Variants in NLRX1 observed in about 807,000 individuals in gnomAD.
The protein encoded by NLRX1 is NOD-like receptor X1.
A neutral mutation model predicts 74.2 loss-of-function variants in NLRX1; 67 were observed. That is an observed-to-expected ratio of 0.90 (90% confidence interval 0.74 to 1.11). The LOEUF is 1.11. NLRX1 is among the 50% of genes least tolerant of loss of function. NLRX1 has a pLI of 0.00. For synonymous variants in NLRX1, 506 were observed against 559.1 expected, an observed-to-expected ratio of 0.91 and a Z score of 1.34; for missense variants, 1,191 against 1,305.4, an observed-to-expected ratio of 0.91 and a Z score of 1.35.
In NLRX1 at chr11:119,173,822, C is replaced by G. The variant is rs201843637; in HGVS notation, c.573C>G (p.Phe191Leu). Reference sequence around the variant, plus strand: ...GGTGTTATGGGCGGCTGCCGGCCTTCGAGCTGCTCATCCCCTTCTCCTGTG... The same window carrying G: ...GGTGTTATGGGCGGCTGCCGGCCTTGGAGCTGCTCATCCCCTTCTCCTGTG... ...LDWCYGRLPA[F>L]ELLIPFSCED... Residue 191 changes from phenylalanine to leucine, a missense_variant, in exon 5 of 10, where the codon TTC (phenylalanine) becomes TTG (leucine). Phe to Leu is a conservative substitution (Grantham distance 22). Transcript: ENST00000409109. The surrounding 1 kb of genome is among the most constrained non-coding windows in gnomAD (Gnocchi z 4.0). 1.2e-6 allele frequency: 2 copies of G among 1,613,456 alleles called. No homozygotes were observed. Among genetic ancestry groups the G allele is most frequent in the African/African-American group, 2.7e-5 (2 of 74,930 alleles).
At position 119,183,501 on chromosome 11, in the gene NLRX1, C is replaced by T; in HGVS notation, c.*62C>T. 6.8e-7 allele frequency: 1 copy of T among 1,470,720 alleles called. No homozygotes were observed. Among genetic ancestry groups the T allele is most frequent in the Non-Finnish European group, 9.2e-7 (1 of 1,085,186 alleles). 91.1% of individuals were successfully genotyped at this position (1,470,720 alleles called of 1,614,324 possible). On this transcript the variant is annotated 3_prime_UTR_variant, in exon 10 of 10. Transcript: ENST00000409109. This position sits in a 1 kb window ranked among gnomAD's most constrained non-coding sequence, Gnocchi z 5.7. ...GCCCTAAACCTTTTCCCTCTGTGGCCTCCTGGCTTGCACTGCTCCCTCTAG... is the reference window on the plus strand; with the variant it reads ...GCCCTAAACCTTTTCCCTCTGTGGCTTCCTGGCTTGCACTGCTCCCTCTAG...
Position 119,175,025 on chromosome 11 carries a change from G to C in NLRX1, c.1422G>C (p.Leu474=), listed in dbSNP as rs768901206. ...TGCACATCTTCCGTCGGGATGCCCT[G>C]AGGTTTTTCCTGGCCCCATGTGTGG... is the stretch of plus-strand genomic sequence containing the variant. ...QLLHIFRRDA[L]RFFLAPCVEP... The change falls in exon 6 of 10, where the codon CTG becomes CTC. Residue 474 remains leucine (L), a synonymous_variant. Transcript: ENST00000409109. 2.5e-6 allele frequency: 4 copies of C among 1,614,156 alleles called. No individual in the cohort carries two copies. In the Admixed American group the frequency reaches 6.7e-5, roughly 27 times the overall value.
chr11:119,179,388 A>C (rs1948771720), intron 6 of NLRX1, among the ~76,000 whole-genome samples: 1 of 152,154 alleles, frequency 6.6e-6, no homozygotes, highest in African/African-American at 2.4e-5. Context: ...TAATCCTAGC[A>C]CTTTGGGGGG....
chr11:119,182,006 C>T, intron 8 of NLRX1, 88 bp from the exon 9 acceptor site: 1 of 1,514,902 alleles, frequency 6.6e-7, no homozygotes, highest in Non-Finnish European at 9.0e-7. Context: ...CACAGGGCTG[C>T]CCCATTAAGG....
chr11:119,181,414 C>T, intron 8 of NLRX1, 157 bp downstream of exon 8: 1 of 627,292 alleles, frequency 1.6e-6, no homozygotes, highest in Non-Finnish European at 2.9e-6. Context: ...AGGTCCACTG[C>T]AAGCAGCAGG....
In NLRX1 at chr11:119,174,789, A is replaced by T. The variant is rs779757888; in HGVS notation, c.1186A>T (p.Ser396Cys). 5.0e-6 allele frequency: 8 copies of T among 1,613,746 alleles called. No homozygotes were observed. In the Admixed American group the frequency reaches 5.0e-5, roughly 10 times the overall value. The change falls in exon 6 of 10, where the codon AGC (serine) becomes TGC (cysteine). Residue 396 changes from serine (S) to cysteine (C), a missense_variant. Coordinates refer to ENST00000409109, the MANE Select transcript of NLRX1 (RefSeq NM_001282144.2). Reference sequence around the variant, plus strand: ...CACGCCTGCTGGGCAGACCCTTACAAGCATCTATACCAGCTTCCTGCGCCT... The same window carrying T: ...CACGCCTGCTGGGCAGACCCTTACATGCATCTATACCAGCTTCCTGCGCCT... The part of the protein sequence containing the change: ...APTPAGQTLT[S>C]IYTSFLRLNF...
At position 119,174,464 on chromosome 11, in the gene NLRX1, G is replaced by T; in HGVS notation, c.861G>T (p.Leu287=). ...CATGCTCTTCCCAGGCCAGCATTCT[G>T]GTGACCACTCGGCCCTCTGCCATTG... ...RKYMLPQASI[L]VTTRPSAIGR... The change falls in exon 6 of 10, where the codon CTG becomes CTT. Residue 287 remains leucine (L), a synonymous_variant. Coordinates refer to ENST00000409109, the MANE Select transcript of NLRX1 (RefSeq NM_001282144.2). 2 of 1,613,418 alleles carry T rather than the reference G, an allele frequency of 1.2e-6. No homozygotes were observed. Among genetic ancestry groups the T allele is most frequent in the African/African-American group, 2.7e-5 (2 of 75,060 alleles).
At position 119,174,078 on chromosome 11, in the gene NLRX1, C is replaced by A. The variant is rs772837237; in HGVS notation, c.829C>A (p.Arg277Ser). The change falls in exon 5 of 10, where the codon CGC becomes AGC. Residue 277 changes from arginine to serine, a missense_variant. Arg to Ser is a moderately radical substitution (Grantham distance 110). Transcript: ENST00000409109. Reference sequence around the variant, plus strand: ...AGCTGCTATCATCGTCAACCTGCTGCGCAAATACATGCTGCCTCAGGTGGG... The same window carrying A: ...AGCTGCTATCATCGTCAACCTGCTGAGCAAATACATGCTGCCTCAGGTGGG... ...EPAAIIVNLL[R>S]KYMLPQASIL... is the part of the protein sequence containing the mutation. The A allele has an allele frequency of 1.2e-6, 2 of 1,613,968 alleles. No individual in the cohort carries two copies. The highest frequency in any genetic ancestry group is 8.5e-7 in the Non-Finnish European group (1 of 1,179,890).
intron 6 of NLRX1, among the ~76,000 whole-genome samples, chr11:119,177,296 GGTCTT>G (rs1948723684): frequency 6.6e-6 from 1 of 150,620 alleles, no homozygotes; most frequent in South Asian, 2.1e-4. Context: ...TGGCCAGACT[GGTCTT>G]GAACTCCTGA....
intron 2 of NLRX1, 41 bp from the exon 3 acceptor site, chr11:119,172,315 G>T (rs771369503): frequency 1.2e-5 from 18 of 1,484,174 alleles, no homozygotes; most frequent in Non-Finnish European, 1.7e-5. Context: ...TCTGTGTATT[G>T]CATGGGATCT....
rs902833322 is a variant in NLRX1, at chr11:119,172,254, G to A, written c.71-102G>A. 3.4e-6 allele frequency: 3 copies of A among 877,808 alleles called. No individual in the cohort carries two copies. In the African/African-American group the frequency reaches 4.9e-5, roughly 14 times the overall value. 54.4% of individuals were successfully genotyped at this position (877,808 alleles called of 1,614,324 possible). On this transcript the variant is annotated intron_variant, in intron 2 of 9. Transcript: ENST00000409109. ...GCAAAATAACTGCTGCAAAGGGGCA[G>A]TACATGCTGCTATGAGAGCAAATAC...
At chr11:119,170,441 T>G (rs1256183432) in intron 1 of NLRX1, among the ~76,000 whole-genome samples, 3 of 152,068 alleles carry the variant, frequency 2.0e-5, no homozygotes, top group Non-Finnish European at 4.4e-5. Flanking sequence ...GTGGGAAGAT[T>G]TGCAGCAAGG....
chr11:119,171,513 T>A (rs764420209), intron 2 of NLRX1, 40 bp downstream of exon 2: 3 of 1,495,180 alleles, frequency 2.0e-6, no homozygotes, highest in Non-Finnish European at 9.3e-7. Flanking sequence ...ACCTCTTTCT[T>A]GCTTTCCAGG....
At chr11:119,181,454 G>A in intron 8 of NLRX1, 197 bp downstream of exon 8, 2 of 571,396 alleles carry the variant, frequency 3.5e-6, no homozygotes, top group Non-Finnish European at 6.4e-6. Flanking sequence ...CCTGTAATGG[G>A]TGCTAAGAAA....
chr11:119,175,363 A>T lies in NLRX1; in HGVS notation c.1671+89A>T, dbSNP rs1948679682. The stretch of plus-strand genomic sequence containing the variant: ...CACGCCCCCACATGGTTCCCTGTTC[A>T]CCCCTTGCTCCTCTCCCAGCAGGAA... On this transcript the variant is annotated intron_variant, in intron 6 of 9. Coordinates refer to ENST00000409109, the MANE Select transcript of NLRX1 (RefSeq NM_001282144.2). 22 of 1,110,672 alleles carry T rather than the reference A, an allele frequency of 2.0e-5. No individual in the cohort carries two copies. The East Asian group carries it at 5.0e-4, about 25-fold the overall frequency. The allele number at this position is 1,110,672 out of a possible 1,614,324, so 68.8% of individuals were successfully genotyped here. A position where few individuals can be genotyped will look rare whatever the true frequency, so the allele number is the denominator to read the frequency against.
rs113092857 is a variant in NLRX1 at position 119,173,132 on chromosome 11, C to T, written c.229+143C>T. 109 of 679,056 alleles carry T rather than the reference C, an allele frequency of 1.6e-4. 1 individual carries two copies. Among genetic ancestry groups the T allele is most frequent in the African/African-American group, 1.4e-3 (80 of 56,576 alleles). 42.1% of individuals were successfully genotyped at this position (679,056 alleles called of 1,614,324 possible). ...CTCCTCTCTCTCTCTCCCTCCCATCCGTCTATGTATCCCTTCCTGCAATAC... is the reference window on the plus strand; with the variant it reads ...CTCCTCTCTCTCTCTCCCTCCCATCTGTCTATGTATCCCTTCCTGCAATAC... On this transcript the variant is annotated intron_variant, in intron 4 of 9. Transcript: ENST00000409109. This position sits in a 1 kb window ranked among gnomAD's most constrained non-coding sequence, Gnocchi z 4.0.
intron 6 of NLRX1, 101 bp from the exon 7 acceptor site, chr11:119,179,592 C>A: frequency 1.0e-6 from 1 of 994,360 alleles, no homozygotes; most frequent in Non-Finnish European, 1.5e-6. Context: ...AAGGGGAGAT[C>A]ACAGGGCTGG....
intron 9 of NLRX1, 140 bp from the exon 10 acceptor site, chr11:119,182,978 C>A: frequency 1.4e-6 from 1 of 692,070 alleles, no homozygotes. Flanking sequence ...CAGCCTCCAC[C>A]TCTGGCTCAT....
rs1406728454 is a variant in NLRX1 at position 119,179,877 on chromosome 11, T to C, written c.1856T>C (p.Val619Ala). 2.5e-6 allele frequency: 4 copies of C among 1,612,932 alleles called. No homozygotes were observed. Among genetic ancestry groups the C allele is most frequent in the Non-Finnish European group, 3.4e-6 (4 of 1,179,496 alleles). Residue 619 changes from valine to alanine, a missense_variant, in exon 7 of 10, where the codon GTC becomes GCC. Coordinates refer to ENST00000409109, the MANE Select transcript of NLRX1 (RefSeq NM_001282144.2). Reference sequence around the variant, plus strand: ...CCAGATGAGCCCCCTGAGGATGAAGTCTTCGAGCTCTTCCCCATGTTCATG... The same window carrying C: ...CCAGATGAGCCCCCTGAGGATGAAGCCTTCGAGCTCTTCCCCATGTTCATG... Reference protein sequence around the residue: ...RHPDEPPEDEVFELFPMFMGG... With the variant: ...RHPDEPPEDEAFELFPMFMGG...
Sources: allele counts gnomAD v4.1 joint callset (sites outside exome capture counted in the v4.1 genomes callset), GRCh38; gene constraint gnomAD v4.1.1; non-coding constraint Gnocchi (gnomAD v3.1); transcripts MANE v1.5; gene names NCBI Gene and HGNC (gene_info 2026-07-23, HGNC 2026-07-21).